Variants in ATP8B2 observed in about 807,000 individuals in gnomAD.
ATP8B2 encodes the protein ATPase phospholipid transporting 8B2.
In ATP8B2, 70 loss-of-function variants were observed where a neutral mutation model predicts 133.4. The ratio of observed to expected loss-of-function variants is 0.52; its 90% confidence interval spans 0.43 to 0.64. The LOEUF (loss-of-function observed/expected upper bound fraction) is 0.64. Ranked by LOEUF, ATP8B2 falls within the 30% of genes least tolerant of loss-of-function variation. The pLI, the probability that ATP8B2 is intolerant of heterozygous loss-of-function variation, is 0.00. For synonymous variants in ATP8B2, 517 were observed against 589.5 expected (o/e 0.88, Z 1.78); for missense variants, 1,101 against 1,535.7 (o/e 0.72, Z 4.73).
intron 2 of ATP8B2, chr1:154,329,091 G>T: frequency 7.8e-7 from 1 of 1,285,078 alleles, no homozygotes; most frequent in Non-Finnish European, 1.0e-6. Flanking sequence ...GGGAGGCAGC[G>T]CCTGGCAGCT....
At chr1:154,333,367 C>T (rs28409746) in intron 9 of ATP8B2, among the ~76,000 whole-genome samples, 60,443 of 150,526 alleles carry the variant, frequency 0.4, 13,439 homozygotes, top group East Asian at 0.61. Context: ...AGCCGGGCGT[C>T]GTGGTGTGCA....
intron 13 of ATP8B2, chr1:154,341,445 A>G (rs959708770): frequency 1.5e-5 from 5 of 330,844 alleles, no homozygotes; most frequent in African/African-American, 1.1e-4. Flanking sequence ...GTGAGCCATG[A>G]TCTTCCACTG....
Position 154,331,995 on chromosome 1 carries a change from G to A in ATP8B2, c.480G>A (p.Leu160=), listed in dbSNP as rs1227910890. Residue 160 remains leucine (L), a synonymous_variant, in exon 8 of 28, where the codon CTG becomes CTA. Transcript: ENST00000368489. The surrounding 1 kb of genome is among the most constrained non-coding windows in gnomAD (Gnocchi z 4.8). The stretch of plus-strand genomic sequence containing the variant: ...TTTCCAGCAGTGAGCCCCATGGGCT[G>A]TGTTACATAGAGACAGCAGAACTTG... ...LLLSSSEPHG[L]CYIETAELDG... is the part of the protein sequence containing the mutation. The A allele has an allele frequency of 1.9e-6, 3 of 1,614,162 alleles. No homozygotes were observed. The highest frequency in any genetic ancestry group is 2.5e-6 in the Non-Finnish European group (3 of 1,179,990).
rs543889409 is a variant in ATP8B2 at position 154,334,987 on chromosome 1, C to A, written c.837+396C>A. On this transcript the variant is annotated intron_variant, in intron 11 of 27. Transcript: ENST00000368489. The surrounding 1 kb of genome is among the most constrained non-coding windows in gnomAD (Gnocchi z 4.6). ...GTCTTTTCCCCCCAACTTCTAAGAA[C>A]GAAGGATCCCAAAGGAAAAGTTTCT... Among the ~76,000 whole-genome samples the A allele has an allele frequency of 6.6e-6, 1 of 152,094 alleles. No homozygotes were observed. The highest frequency in any genetic ancestry group is 1.5e-5 in the Non-Finnish European group (1 of 68,026).
Position 154,331,678 on chromosome 1 carries a change from G to A in ATP8B2, c.438G>A (p.Ala146=). The A allele has an allele frequency of 3.7e-6, 6 of 1,613,828 alleles. No individual in the cohort carries two copies. The highest frequency in any genetic ancestry group is 3.4e-6 in the Non-Finnish European group (4 of 1,179,714). The change falls in exon 7 of 28, where the codon GCG becomes GCA. Residue 146 remains alanine (A), a splice_region_variant and synonymous_variant. Transcript: ENST00000368489. The surrounding 1 kb of genome is among the most constrained non-coding windows in gnomAD (Gnocchi z 4.8). The part of the protein sequence containing the change: ...IIKLENNQFV[A]ADLLLLSSSE... ...AGCTAGAAAATAACCAGTTTGTGGC[G>A]GTAAGGGACAGGGTACCCCTCTAGG...
rs751576352 is a variant in ATP8B2 at position 154,334,201 on chromosome 1, C to T, written c.684C>T (p.Asn228=). ...KENKFPLSNQ[N]MLLRGCVLRN... is the part of the protein sequence containing the mutation. Reference sequence around the variant, plus strand: ...ATAAGTTCCCTCTGAGCAACCAGAACATGCTGCTGCGGGGCTGTGTGCTGC... The same window carrying T: ...ATAAGTTCCCTCTGAGCAACCAGAATATGCTGCTGCGGGGCTGTGTGCTGC... The change falls in exon 10 of 28, where the codon AAC becomes AAT. Residue 228 remains asparagine, a synonymous_variant. Coordinates refer to ENST00000368489, the MANE Select transcript of ATP8B2 (RefSeq NM_001370597.1). This position sits in a 1 kb window ranked among gnomAD's most constrained non-coding sequence, Gnocchi z 4.6. 1 of 1,614,210 alleles carries T rather than the reference C, an allele frequency of 6.2e-7. No homozygotes were observed. Among genetic ancestry groups the T allele is most frequent in the Non-Finnish European group, 8.5e-7 (1 of 1,180,044 alleles).
Position 154,343,554 on chromosome 1 carries a change from A to G in ATP8B2, c.1744A>G (p.Met582Val), listed in dbSNP as rs753021530. Residue 582 changes from methionine (M) to valine (V), a missense_variant, in exon 17 of 28, where the codon ATG (methionine) becomes GTG (valine). Physicochemically the swap from Met to Val is conservative, Grantham distance 21 (BLOSUM62 1). Coordinates refer to ENST00000368489, the MANE Select transcript of ATP8B2 (RefSeq NM_001370597.1). The surrounding 1 kb of genome is among the most constrained non-coding windows in gnomAD (Gnocchi z 5.8). ...CACTCAAGAGCTGCTCAACACCACC[A>G]TGGACCACCTTAATGTGGGTGTGAG... ...HSTQELLNTTMDHLNEYAGEG... is the reference protein window; with the variant it reads ...HSTQELLNTTVDHLNEYAGEG... 1.2e-6 allele frequency: 2 copies of G among 1,613,338 alleles called. No homozygotes were observed. The highest frequency in any genetic ancestry group is 1.7e-5 in the Admixed American group (1 of 59,980).
chr1:154,348,165 G>A (rs1340074793), intron 26 of ATP8B2, among the ~76,000 whole-genome samples: 1 of 152,190 alleles, frequency 6.6e-6, no homozygotes, highest in Non-Finnish European at 1.5e-5. Context: ...CAATAGTTGA[G>A]TTTGGGCCAC....
chr1:154,329,475 T>C (rs1191994667), intron 2 of ATP8B2, among the ~76,000 whole-genome samples: 2 of 152,010 alleles, frequency 1.3e-5, no homozygotes, highest in Non-Finnish European at 2.9e-5. Context: ...CAGCATGAGG[T>C]CATGGTGACC....
At chr1:154,330,700 T>G in intron 3 of ATP8B2, 115 bp from the exon 4 acceptor site, 3 of 902,444 alleles carry the variant, frequency 3.3e-6, no homozygotes, top group Non-Finnish European at 5.3e-6. Context: ...CACACCTGTG[T>G]TTGCTAGCTT....
rs150649613 is a variant in ATP8B2 at position 154,344,411 on chromosome 1, C to T, written c.2052C>T (p.Ile684=). ...TGDKQETAVN[I]GYSCKMLTDD... is the part of the protein sequence containing the mutation. Reference sequence around the variant, plus strand: ...TCTTGGTAGAGACGGCTGTGAACATCGGCTATTCCTGCAAGATGCTGACGG... The same window carrying T: ...TCTTGGTAGAGACGGCTGTGAACATTGGCTATTCCTGCAAGATGCTGACGG... The change falls in exon 20 of 28, where the codon ATC becomes ATT. Residue 684 remains isoleucine (I), a synonymous_variant. Transcript: ENST00000368489. The surrounding 1 kb of genome is among the most constrained non-coding windows in gnomAD (Gnocchi z 4.1). 181 of 1,613,984 alleles carry T rather than the reference C, an allele frequency of 1.1e-4. No homozygotes were observed. The highest frequency in any genetic ancestry group is 4.9e-4 in the Middle Eastern group (3 of 6,084).
Position 154,328,850 on chromosome 1 carries a change from G to A in ATP8B2, c.31+678G>A, listed in dbSNP as rs1344092799. On this transcript the variant is annotated intron_variant, in intron 2 of 27. Transcript: ENST00000368489. This position sits in a 1 kb window ranked among gnomAD's most constrained non-coding sequence, Gnocchi z 4.6. ...GGCCGGGAGGATGGCCTGGGCTGCGGGTGGGGCGCGCGCCCGACGGCTGGG... is the reference window on the plus strand; with the variant it reads ...GGCCGGGAGGATGGCCTGGGCTGCGAGTGGGGCGCGCGCCCGACGGCTGGG... 2 of 1,137,308 alleles carry A rather than the reference G, an allele frequency of 1.8e-6. No homozygotes were observed. Among genetic ancestry groups the A allele is most frequent in the South Asian group, 1.8e-5 (1 of 56,786 alleles). The allele number at this position is 1,137,308 out of a possible 1,614,324, so 70.5% of individuals were successfully genotyped here. A position where few individuals can be genotyped will look rare whatever the true frequency, so the allele number is the denominator to read the frequency against.
intron 12 of ATP8B2, among the ~76,000 whole-genome samples, chr1:154,339,363 A>T (rs1477468403): frequency 1.3e-5 from 2 of 152,214 alleles, no homozygotes; most frequent in Non-Finnish European, 2.9e-5. Flanking sequence ...CAGGAACAGG[A>T]GTACTTGTCT....
chr1:154,346,348 G>A lies in ATP8B2; in HGVS notation c.2896G>A (p.Val966Met), dbSNP rs1351221099. The change falls in exon 25 of 28, where the codon GTG (valine) becomes ATG (methionine). Residue 966 changes from valine (V) to methionine (M), a missense_variant. By Grantham distance (21) the Val-to-Met change is conservative. Transcript: ENST00000368489. This position sits in a 1 kb window ranked among gnomAD's most constrained non-coding sequence, Gnocchi z 4.5. ...ICIAQGIYTS[V>M]LMFFIPYGVF... ...CATCGCCCAGGGCATCTACACCTCC[G>A]TGCTCATGTTCTTCATTCCCTATGG... 5 of 1,614,056 alleles carry A rather than the reference G, an allele frequency of 3.1e-6. No homozygotes were observed. The highest frequency in any genetic ancestry group is 2.2e-5 in the East Asian group (1 of 44,900).
At chr1:154,348,564 G>A in intron 27 of ATP8B2, 26 bp downstream of exon 27, 2 of 1,610,068 alleles carry the variant, frequency 1.2e-6, no homozygotes, top group African/African-American at 1.3e-5. Flanking sequence ...ACCTGCTGTG[G>A]GAGGCAGAGA....
chr1:154,345,961 C>T lies in ATP8B2; in HGVS notation c.2778+78C>T. Reference sequence around the variant, plus strand: ...GGAGTCACATAGACGTGGTGTGTGACACTTGTGCCCATTTCCTGTGGCCAC... The same window carrying T: ...GGAGTCACATAGACGTGGTGTGTGATACTTGTGCCCATTTCCTGTGGCCAC... On this transcript the variant is annotated intron_variant, in intron 24 of 27. Coordinates refer to ENST00000368489, the MANE Select transcript of ATP8B2 (RefSeq NM_001370597.1). The surrounding 1 kb of genome is among the most constrained non-coding windows in gnomAD (Gnocchi z 5.6). 1 of 1,362,740 alleles carries T rather than the reference C, an allele frequency of 7.3e-7. No individual in the cohort carries two copies. The highest frequency in any genetic ancestry group is 1.0e-6 in the Non-Finnish European group (1 of 961,366). 84.4% of individuals were successfully genotyped at this position (1,362,740 alleles called of 1,614,324 possible).
Position 154,331,950 on chromosome 1 carries a change from C to G in ATP8B2, c.439-4C>G. 2.5e-6 allele frequency: 4 copies of G among 1,613,638 alleles called. No individual in the cohort carries two copies. Among genetic ancestry groups the G allele is most frequent in the Non-Finnish European group, 3.4e-6 (4 of 1,179,540 alleles). On this transcript the variant is annotated splice_polypyrimidine_tract_variant and splice_region_variant and intron_variant, in intron 7 of 27. Transcript: ENST00000368489. This position sits in a 1 kb window ranked among gnomAD's most constrained non-coding sequence, Gnocchi z 4.8. ...TTGGACTTCTCATTAGTTTTTCTCT[C>G]TAGGCGGATCTCCTCCTCCTTTCCA... is the stretch of plus-strand genomic sequence containing the variant.
At chr1:154,330,668 C>G in intron 3 of ATP8B2, 147 bp from the exon 4 acceptor site, 1 of 770,100 alleles carries the variant, frequency 1.3e-6, no homozygotes, top group Admixed American at 2.6e-5. Context: ...AGACTCCCTT[C>G]TCTCCTCCTC....
At position 154,328,342 on chromosome 1, in the gene ATP8B2, C is replaced by G. The variant is rs1023761218; in HGVS notation, c.31+170C>G. Among the ~76,000 whole-genome samples the G allele has an allele frequency of 6.6e-6, 1 of 152,176 alleles. No individual in the cohort carries two copies. Among genetic ancestry groups the G allele is most frequent in the African/African-American group, 2.4e-5 (1 of 41,450 alleles). On this transcript the variant is annotated intron_variant, in intron 2 of 27. Coordinates refer to ENST00000368489, the MANE Select transcript of ATP8B2 (RefSeq NM_001370597.1). The surrounding 1 kb of genome is among the most constrained non-coding windows in gnomAD (Gnocchi z 4.6). ...AGGAAACCGAATTCTTCCGCTTGAT[C>G]CCAAAGCTGGGTTATCTGCCAGGAC... is the stretch of plus-strand genomic sequence containing the variant.
Sources: allele counts gnomAD v4.1 joint callset (sites outside exome capture counted in the v4.1 genomes callset), GRCh38; gene constraint gnomAD v4.1.1; non-coding constraint Gnocchi (gnomAD v3.1); transcripts MANE v1.5; gene names NCBI Gene and HGNC (gene_info 2026-07-23, HGNC 2026-07-21).